NTM: variants seen among roughly 807,000 people sequenced by gnomAD.
The protein encoded by NTM is IgLON family member 2.
In NTM, 13 loss-of-function variants were observed where a neutral mutation model predicts 42.1. The observed-to-expected ratio is 0.31, with a 90% CI of 0.20 to 0.49. The LOEUF (loss-of-function observed/expected upper bound fraction) is 0.49, where lower values mean the gene tolerates loss of function less well. Ranked by LOEUF, NTM falls within the 20% of genes least tolerant of loss-of-function variation. The pLI is 0.99. For missense variants in NTM, 373 were observed against 452.8 expected, an observed-to-expected ratio of 0.82 and a Z score of 1.60; for synonymous variants, 187 against 179.2, an observed-to-expected ratio of 1.04 and a Z score of -0.35.
At chr11:132,065,993 G>T (rs995577429) in intron 2 of NTM, among the ~76,000 whole-genome samples, 1 of 152,080 alleles carries the variant, frequency 6.6e-6, no homozygotes, top group Non-Finnish European at 1.5e-5. Flanking sequence ...ATGTAAATTG[G>T]GGTTGTGGGG....
intron 1 of NTM, among the ~76,000 whole-genome samples, chr11:131,426,357 A>G (rs557842909): frequency 6.6e-6 from 1 of 152,184 alleles, no homozygotes; most frequent in South Asian, 2.1e-4. Context: ...GAGCCATGGG[A>G]AGCCAGTGCA....
intron 2 of NTM, among the ~76,000 whole-genome samples, chr11:132,132,884 AT>A (rs2067085226): frequency 6.6e-6 from 1 of 152,210 alleles, no homozygotes; most frequent in Non-Finnish European, 1.5e-5. Context: ...AAATATATGA[AT>A]GCATGGCGGC....
chr11:131,848,660 A>C (rs2045198845), intron 1 of NTM, among the ~76,000 whole-genome samples: 1 of 152,202 alleles, frequency 6.6e-6, no homozygotes, highest in Non-Finnish European at 1.5e-5. Context: ...TACCATTTAG[A>C]TAGTCTTTAT....
intron 2 of NTM, among the ~76,000 whole-genome samples, chr11:131,919,852 C>G (rs2056967703): frequency 6.6e-6 from 1 of 152,072 alleles, no homozygotes; most frequent in African/African-American, 2.4e-5. Context: ...TATACCATGT[C>G]TTGCTTCTGA....
intron 4 of NTM, among the ~76,000 whole-genome samples, chr11:132,298,696 C>A (rs1053245476): frequency 6.6e-6 from 1 of 152,146 alleles, no homozygotes; most frequent in African/African-American, 2.4e-5. Context: ...AATTATTATT[C>A]CCAGATTTCC....
chr11:131,504,231 C>T (rs1010387940), intron 1 of NTM, among the ~76,000 whole-genome samples: 1 of 152,192 alleles, frequency 6.6e-6, no homozygotes, highest in East Asian at 1.9e-4. Context: ...ACAGCGCATG[C>T]CTGAATTCAG....
intron 1 of NTM, among the ~76,000 whole-genome samples, chr11:131,673,944 A>T (rs899257003): frequency 6.6e-5 from 10 of 152,294 alleles, no homozygotes; most frequent in African/African-American, 2.2e-4. Flanking sequence ...GCACAAAGAG[A>T]AAGAGGGTAG....
At chr11:131,896,983 C>G (rs796159171) in intron 1 of NTM, 5 of 152,286 alleles carry the variant, frequency 3.3e-5, no homozygotes, top group African/African-American at 1.2e-4. Context: ...CCACCGCGCC[C>G]GGCCTAGGCT....
chr11:132,335,024 G>A (rs367649019), intron 8 of NTM, 22 bp from the exon 9 acceptor site: 77 of 1,608,120 alleles, frequency 4.8e-5, no homozygotes, highest in East Asian at 4.7e-4. Context: ...GACCACTCAC[G>A]GCGAGTGTGT....
At position 131,588,085 on chromosome 11, in the gene NTM, C is replaced by G. The variant is rs142536599; in HGVS notation, c.82+217197C>G. On this transcript the variant is annotated intron_variant, in intron 1 of 8. Transcript: ENST00000683400. ...TTTACATCACCATATGAGGTGGTTACTAAAAGCGTCCCCATTTCACAGATG... is the reference window on the plus strand; with the variant it reads ...TTTACATCACCATATGAGGTGGTTAGTAAAAGCGTCCCCATTTCACAGATG... Among the ~76,000 whole-genome samples the G allele has an allele frequency of 1.6e-3, 242 of 151,440 alleles. 2 individuals carry two copies. In the East Asian group the frequency reaches 0.042, roughly 26 times the overall value.
chr11:131,861,536 A>G (rs892509606), intron 1 of NTM, among the ~76,000 whole-genome samples: 19 of 152,188 alleles, frequency 1.2e-4, no homozygotes, highest in African/African-American at 4.6e-4. Context: ...ATTTTCCGAT[A>G]ACCTTCTAGA....
chr11:131,961,601 A>G (rs1277840722), intron 2 of NTM, among the ~76,000 whole-genome samples: 2 of 152,240 alleles, frequency 1.3e-5, no homozygotes, highest in African/African-American at 4.8e-5. Context: ...TGGAAGGCCT[A>G]GCACATGACA....
Position 131,725,684 on chromosome 11 carries a change from T to A in NTM, c.83-185880T>A, listed in dbSNP as rs1027063164. ...GTCAGAGAGGAAAACGGGGAAGCAA[T>A]GCACCTATAGGGCCTTGAAGGCTGT... On this transcript the variant is annotated intron_variant, in intron 1 of 8. Coordinates refer to ENST00000683400, the MANE Select transcript of NTM (RefSeq NM_001352005.2). 3.9e-5 allele frequency among the ~76,000 whole-genome samples: 6 copies of A among 152,278 alleles called. 1 individual carries two copies. The highest frequency in any genetic ancestry group is 3.3e-4 in the Admixed American group (5 of 15,300).
At chr11:131,392,226 G>A (rs1318528579) in intron 1 of NTM, among the ~76,000 whole-genome samples, 5 of 151,898 alleles carry the variant, frequency 3.3e-5, no homozygotes, top group Admixed American at 3.3e-4. Flanking sequence ...TCATCCCAGG[G>A]ATGGGAGTCC....
intron 1 of NTM, among the ~76,000 whole-genome samples, chr11:131,488,184 T>TG (rs754469955): frequency 6.6e-6 from 1 of 152,134 alleles, no homozygotes; most frequent in Non-Finnish European, 1.5e-5. Context: ...CCCCAAAACT[T>TG]GGGGGGTTCA....
chr11:131,417,800 A>G (rs1319939835), intron 1 of NTM, among the ~76,000 whole-genome samples: 2 of 152,232 alleles, frequency 1.3e-5, no homozygotes, highest in Non-Finnish European at 2.9e-5. Flanking sequence ...GAAGGAAGTC[A>G]GTCAATGATT....
Position 131,547,552 on chromosome 11 carries a change from G to A in NTM, c.82+176664G>A, listed in dbSNP as rs181606058. Reference sequence around the variant, plus strand: ...ACGGTGAAGTCCTGCTCTTCTTAGAGTCCTTGTCCTCTCTGGTAAGAGGTG... The same window carrying A: ...ACGGTGAAGTCCTGCTCTTCTTAGAATCCTTGTCCTCTCTGGTAAGAGGTG... On this transcript the variant is annotated intron_variant, in intron 1 of 8. Transcript: ENST00000683400. Among the ~76,000 whole-genome samples the A allele has an allele frequency of 1.5e-3, 222 of 152,248 alleles. 1 individual carries two copies. Among genetic ancestry groups the A allele is most frequent in the African/African-American group, 5.2e-3 (215 of 41,544 alleles).
intron 2 of NTM, among the ~76,000 whole-genome samples, chr11:132,054,744 C>T (rs1489457764): frequency 6.6e-6 from 1 of 152,180 alleles, no homozygotes; most frequent in African/African-American, 2.4e-5. Flanking sequence ...TAAGCATTAT[C>T]AATCTTGAAT....
chr11:132,142,667 T>C (rs1039334443), intron 2 of NTM, among the ~76,000 whole-genome samples: 5 of 152,124 alleles, frequency 3.3e-5, no homozygotes, highest in African/African-American at 1.2e-4. Flanking sequence ...GCAAGACTGA[T>C]ACCCAGCAGT....
Sources: gnomAD v4.1 joint callset for allele counts (sites outside exome capture counted in the v4.1 genomes callset) on GRCh38, gnomAD v4.1.1 for gene constraint, MANE v1.5 for transcripts, NCBI Gene and HGNC (gene_info 2026-07-23, HGNC 2026-07-21) for gene names.